Variants in GREB1L observed in about 807,000 individuals in gnomAD.
GREB1L encodes the protein GREB1-like protein.
GREB1L carries 17 observed loss-of-function variants against 200.8 expected under a neutral mutation model. The ratio of observed to expected loss-of-function variants is 0.08; its 90% confidence interval spans 0.06 to 0.13. GREB1L has a LOEUF of 0.13. GREB1L is among the 10% of genes least tolerant of loss of function. The pLI is 1.00. For synonymous variants in GREB1L, 789 were observed against 893.0 expected (o/e 0.88, Z 2.08); for missense variants, 1,657 against 2,367.7 (o/e 0.70, Z 6.23).
At chr18:21,475,694 C>T (rs1248427277) in intron 16 of GREB1L, among the ~76,000 whole-genome samples, 3 of 151,636 alleles carry the variant, frequency 2.0e-5, no homozygotes, top group Non-Finnish European at 2.9e-5. Flanking sequence ...TGGCAGGGTG[C>T]GGTGGCTCAC....
At chr18:21,409,216 A>C (rs189775955) in intron 7 of GREB1L, among the ~76,000 whole-genome samples, 45 of 152,372 alleles carry the variant, frequency 3.0e-4, no homozygotes, top group Non-Finnish European at 5.9e-4. Context: ...AACTGTCGAC[A>C]TAAGCTATGT....
intron 17 of GREB1L, 124 bp downstream of exon 17, chr18:21,477,480 G>T (rs1393621635): frequency 8.9e-6 from 7 of 786,732 alleles, no homozygotes; most frequent in Admixed American, 3.5e-5. Flanking sequence ...CTAACGTAAT[G>T]CTTTATGTAA....
intron 1 of GREB1L, among the ~76,000 whole-genome samples, chr18:21,361,716 G>A (rs2039582772): frequency 6.6e-6 from 1 of 150,928 alleles, no homozygotes; most frequent in Non-Finnish European, 1.5e-5. Flanking sequence ...TCTGGAAGGG[G>A]CCCTTAAAAA....
chr18:21,493,781 G>A (rs1225589946), intron 19 of GREB1L, among the ~76,000 whole-genome samples: 1 of 139,710 alleles, frequency 7.2e-6, no homozygotes, highest in Non-Finnish European at 1.5e-5. Flanking sequence ...CAGGAGATTC[G>A]CTTGAACCCG....
intron 15 of GREB1L, chr18:21,468,710 G>C (rs754398005): frequency 2.2e-6 from 1 of 456,570 alleles, no homozygotes; most frequent in East Asian, 6.9e-5. Context: ...TCTTCATGTC[G>C]TTTTTCCTGT....
intron 7 of GREB1L, among the ~76,000 whole-genome samples, chr18:21,405,598 C>T (rs963057342): frequency 2.0e-5 from 3 of 151,860 alleles, no homozygotes; most frequent in Admixed American, 1.3e-4. Flanking sequence ...GTCAGGAGTT[C>T]GAGACCGGCC....
chr18:21,476,745 TA>T (rs1329934397), intron 16 of GREB1L, among the ~76,000 whole-genome samples: 1 of 125,896 alleles, frequency 7.9e-6, no homozygotes, highest in East Asian at 2.5e-4. Context: ...ATTTTTTTTG[TA>T]TTTTTTTTTT....
chr18:21,498,069 G>A (rs1299868132), intron 21 of GREB1L, among the ~76,000 whole-genome samples: 2 of 152,098 alleles, frequency 1.3e-5, no homozygotes, highest in Non-Finnish European at 1.5e-5. Flanking sequence ...TGATCCACCC[G>A]CCTCAGCCTC....
At chr18:21,300,156 G>A (rs1388259596) in intron 1 of GREB1L, among the ~76,000 whole-genome samples, 2 of 152,182 alleles carry the variant, frequency 1.3e-5, no homozygotes, top group Non-Finnish European at 2.9e-5. Context: ...CATAAAAATT[G>A]TTAATGCAGA....
At chr18:21,281,968 G>C (rs1225007712) in intron 1 of GREB1L, among the ~76,000 whole-genome samples, 10 of 152,068 alleles carry the variant, frequency 6.6e-5, no homozygotes, top group Admixed American at 6.5e-4. Flanking sequence ...ATAAATATCT[G>C]TTCACTTAAA....
At chr18:21,309,455 G>A (rs1011095928) in intron 1 of GREB1L, among the ~76,000 whole-genome samples, 11 of 152,142 alleles carry the variant, frequency 7.2e-5, no homozygotes, top group South Asian at 2.1e-4. Context: ...CCTGCATGTC[G>A]TATTCTGAAC....
chr18:21,503,567 T>C (rs896176656), intron 23 of GREB1L, among the ~76,000 whole-genome samples: 24 of 148,158 alleles, frequency 1.6e-4, no homozygotes, highest in African/African-American at 5.2e-4. Context: ...GGCACTTTAT[T>C]ATCATTATTA....
intron 7 of GREB1L, among the ~76,000 whole-genome samples, chr18:21,418,174 A>G (rs2144817251): frequency 6.6e-6 from 1 of 152,218 alleles, no homozygotes; most frequent in South Asian, 2.1e-4. Context: ...GAAATATGGA[A>G]GTTCATTATT....
chr18:21,522,025 A>G (rs995548476), intron 32 of GREB1L, among the ~76,000 whole-genome samples: 3 of 150,998 alleles, frequency 2.0e-5, no homozygotes, highest in African/African-American at 7.3e-5. Context: ...AAGGTAAGAC[A>G]CAGAATAGCC....
chr18:21,417,302 A>G (rs2144801299), intron 7 of GREB1L, among the ~76,000 whole-genome samples: 1 of 152,064 alleles, frequency 6.6e-6, no homozygotes, highest in African/African-American at 2.4e-5. Flanking sequence ...TGGGTGGATC[A>G]CTTGAGGTCA....
chr18:21,353,094 A>G (rs1195078175), intron 1 of GREB1L, among the ~76,000 whole-genome samples: 2 of 151,900 alleles, frequency 1.3e-5, no homozygotes, highest in Admixed American at 1.3e-4. Context: ...AGGCAAGAGA[A>G]TGGTGTGAAC....
At chr18:21,408,325 T>G (rs1022469251) in intron 7 of GREB1L, among the ~76,000 whole-genome samples, 5 of 152,154 alleles carry the variant, frequency 3.3e-5, no homozygotes, top group African/African-American at 1.2e-4. Flanking sequence ...AACACAAATC[T>G]AATAAAGTAT....
intron 24 of GREB1L, 120 bp downstream of exon 24, chr18:21,505,687 T>A: frequency 7.1e-7 from 1 of 1,413,050 alleles, no homozygotes; most frequent in Non-Finnish European, 9.5e-7. Flanking sequence ...TTCATAACTG[T>A]TTCTTAGGGC....
chr18:21,310,406 T>G (rs1243172171), intron 1 of GREB1L, among the ~76,000 whole-genome samples: 2 of 152,184 alleles, frequency 1.3e-5, no homozygotes, highest in Non-Finnish European at 2.9e-5. Context: ...ATACCTATTT[T>G]CTAAAAGAAG....
Sources: gnomAD v4.1 joint callset for allele counts (sites outside exome capture counted in the v4.1 genomes callset) on GRCh38, gnomAD v4.1.1 for gene constraint, MANE v1.5 for transcripts, NCBI Gene and HGNC (gene_info 2026-07-23, HGNC 2026-07-21) for gene names.